The following ZNF573 variants were observed in gnomAD, a reference collection of about 807,000 sequenced individuals.
ZNF573 encodes the protein zinc finger protein 573.
Under a neutral mutation model 57.4 loss-of-function variants are expected in ZNF573, and 41 were observed. The ratio of observed to expected loss-of-function variants is 0.71; its 90% confidence interval spans 0.56 to 0.93. ZNF573 has a LOEUF of 0.93. ZNF573 is among the 40% of genes least tolerant of loss of function. The probability of loss-of-function intolerance (pLI) is 0.00; values close to 1 mark genes in which losing one functional copy is unlikely to be tolerated. For missense variants in ZNF573, 730 were observed against 794.8 expected, an observed-to-expected ratio of 0.92 and a Z score of 0.98; for synonymous variants, 249 against 261.0, an observed-to-expected ratio of 0.95 and a Z score of 0.44.
chr19:37,748,906 G>A (rs1039229217), intron 4 of ZNF573, among the ~76,000 whole-genome samples: 8 of 124,878 alleles, frequency 6.4e-5, no homozygotes, highest in South Asian at 5.2e-4. Context: ...CAGCCTGGGC[G>A]ACAGAGCAAG....
At position 37,739,418 on chromosome 19, in the gene ZNF573, A is replaced by G. The variant is rs2045300503; in HGVS notation, c.1072T>C (p.Tyr358His). Reference protein sequence around the residue: ...HQRIHKGGKPYECKECKKTFT... With the variant: ...HQRIHKGGKPHECKECKKTFT... The stretch of plus-strand genomic sequence containing the variant: ...GTTTTCTTACACTCCTTACATTCAT[A>G]GGGTTTTCCACCTTTATGAATTCTC... The change falls in exon 5 of 5, where the codon TAT becomes CAT. Residue 358 changes from tyrosine to histidine, a missense_variant. Coordinates refer to ENST00000536220, the MANE Select transcript of ZNF573 (RefSeq NM_001172690.2). 49 of 1,614,026 alleles carry G rather than the reference A, an allele frequency of 3.0e-5. No homozygotes were observed. The highest frequency in any genetic ancestry group is 4.2e-5 in the Non-Finnish European group (49 of 1,180,032).
chr19:37,757,895 A>G (rs916906869), intron 4 of ZNF573, among the ~76,000 whole-genome samples: 1 of 151,962 alleles, frequency 6.6e-6, no homozygotes, highest in African/African-American at 2.4e-5. Context: ...CGTTGTAGGG[A>G]CATGGATGAA....
intron 4 of ZNF573, among the ~76,000 whole-genome samples, chr19:37,741,517 TG>T (rs1195715005): frequency 2.0e-5 from 3 of 152,074 alleles, no homozygotes; most frequent in African/African-American, 7.2e-5. Flanking sequence ...GATGCAAGGC[TG>T]GTTCAACATA....
chr19:37,739,301 T>C lies in ZNF573; in HGVS notation c.1189A>G (p.Thr397Ala). 1 of 1,613,964 alleles carries C rather than the reference T, an allele frequency of 6.2e-7. No homozygotes were observed. Among genetic ancestry groups the C allele is most frequent in the East Asian group, 2.2e-5 (1 of 44,866 alleles). ...ECKQCGKTYT[T>A]GSKLFQHQKT... Reference sequence around the variant, plus strand: ...TGATGTTGAAAGAGTTTTGAACCAGTAGTATAGGTCTTCCCACATTGCTTG... The same window carrying C: ...TGATGTTGAAAGAGTTTTGAACCAGCAGTATAGGTCTTCCCACATTGCTTG... The change falls in exon 5 of 5, where the codon ACT (threonine) becomes GCT (alanine). Residue 397 changes from threonine to alanine, a missense_variant. Coordinates refer to ENST00000536220, the MANE Select transcript of ZNF573 (RefSeq NM_001172690.2).
intron 4 of ZNF573, among the ~76,000 whole-genome samples, chr19:37,766,283 A>G (rs1427096616): frequency 6.6e-6 from 1 of 152,164 alleles, no homozygotes; most frequent in Non-Finnish European, 1.5e-5. Context: ...TTATGCTGAG[A>G]ACCTAAACCA....
At chr19:37,768,222 T>C (rs1340266854) in intron 4 of ZNF573, among the ~76,000 whole-genome samples, 1 of 152,240 alleles carries the variant, frequency 6.6e-6, no homozygotes, top group Non-Finnish European at 1.5e-5. Flanking sequence ...TTTTTAAAAA[T>C]GCCTTGAAAA....
intron 4 of ZNF573, among the ~76,000 whole-genome samples, chr19:37,746,324 T>C (rs2045381994): frequency 6.6e-6 from 1 of 152,158 alleles, no homozygotes; most frequent in Non-Finnish European, 1.5e-5. Flanking sequence ...CTCAGAAATG[T>C]GTTACACATA....
chr19:37,759,657 G>A lies in ZNF573; in HGVS notation c.295+10348C>T, dbSNP rs574950610. Reference sequence around the variant, plus strand: ...GCAGGAAAATGGCGTGAACCCGGGAGGCGGAGCTTGCAGTGAGCCAAGATC... The same window carrying A: ...GCAGGAAAATGGCGTGAACCCGGGAAGCGGAGCTTGCAGTGAGCCAAGATC... On this transcript the variant is annotated intron_variant, in intron 4 of 4. Transcript: ENST00000536220. Among the ~76,000 whole-genome samples, 21 of 152,238 alleles carry A rather than the reference G, an allele frequency of 1.4e-4. No individual in the cohort carries two copies. In the South Asian group the frequency reaches 4.4e-3, roughly 32 times the overall value.
intron 4 of ZNF573, among the ~76,000 whole-genome samples, chr19:37,758,272 C>T (rs1358731892): frequency 2.2e-5 from 2 of 92,526 alleles, no homozygotes; most frequent in African/African-American, 8.1e-5. Flanking sequence ...TATAAAATTA[C>T]CCAGTTGCTA....
At chr19:37,762,111 C>T (rs1420999228) in intron 4 of ZNF573, among the ~76,000 whole-genome samples, 1 of 152,192 alleles carries the variant, frequency 6.6e-6, no homozygotes. Flanking sequence ...AATAGAACAT[C>T]ACCTGGGGGC....
intron 4 of ZNF573, among the ~76,000 whole-genome samples, chr19:37,768,463 C>T (rs1269271701): frequency 6.6e-6 from 1 of 152,074 alleles, no homozygotes; most frequent in Non-Finnish European, 1.5e-5. Context: ...CCTTAGCCTT[C>T]TAAGCTCTTT....
intron 3 of ZNF573, among the ~76,000 whole-genome samples, chr19:37,770,833 TA>T (rs1293166551): frequency 3.8e-3 from 16 of 4,266 alleles, no homozygotes; most frequent in South Asian, 0.02. Flanking sequence ...TAAGTTATTT[TA>T]TATATATATA....
chr19:37,763,224 C>A (rs1238817416), intron 4 of ZNF573, among the ~76,000 whole-genome samples: 1 of 149,824 alleles, frequency 6.7e-6, no homozygotes, highest in African/African-American at 2.4e-5. Flanking sequence ...GGGTGCTGAG[C>A]ACCAAATACC....
intron 3 of ZNF573, chr19:37,770,447 T>C (rs1027258565): frequency 5.2e-6 from 1 of 192,332 alleles, no homozygotes; most frequent in Non-Finnish European, 1.1e-5. Flanking sequence ...ATTATTCCAA[T>C]TTGGCAAATA....
At chr19:37,773,175 C>T (rs554029107) in intron 2 of ZNF573, among the ~76,000 whole-genome samples, 1 of 152,260 alleles carries the variant, frequency 6.6e-6, no homozygotes, top group East Asian at 1.9e-4. Flanking sequence ...TTGACAAGAT[C>T]CATGGTATAT....
rs112287643 is a variant in ZNF573 at position 37,746,008 on chromosome 19, G to C, written c.296-5814C>G. Among the ~76,000 whole-genome samples, 380 of 152,194 alleles carry C rather than the reference G, an allele frequency of 2.5e-3. 2 individuals carry two copies. Among genetic ancestry groups the C allele is most frequent in the African/African-American group, 8.9e-3 (369 of 41,534 alleles). The stretch of plus-strand genomic sequence containing the variant: ...TTCCTAAAAACTGACCATATACTGG[G>C]CTATAAAGCAAGTTTCATGTATTTC... On this transcript the variant is annotated intron_variant, in intron 4 of 4. Coordinates refer to ENST00000536220, the MANE Select transcript of ZNF573 (RefSeq NM_001172690.2).
At chr19:37,744,692 G>A (rs1568416230) in intron 4 of ZNF573, among the ~76,000 whole-genome samples, 2 of 138,192 alleles carry the variant, frequency 1.4e-5, no homozygotes, top group Non-Finnish European at 3.0e-5. Flanking sequence ...AGTGAGCTGT[G>A]TTCACGCCAC....
At chr19:37,745,585 AG>A (rs1568416555) in intron 4 of ZNF573, among the ~76,000 whole-genome samples, 1 of 151,914 alleles carries the variant, frequency 6.6e-6, no homozygotes, top group African/African-American at 2.4e-5. Flanking sequence ...TAGTAGAGAC[AG>A]GGTTTCACCA....
At chr19:37,764,345 G>A (rs867424646) in intron 4 of ZNF573, among the ~76,000 whole-genome samples, 30 of 145,178 alleles carry the variant, frequency 2.1e-4, no homozygotes, top group African/African-American at 6.7e-4. Context: ...TTCTTAAGAC[G>A]GAGTGTCGCT....
Sources: gnomAD v4.1 joint callset for allele counts (sites outside exome capture counted in the v4.1 genomes callset) on GRCh38, gnomAD v4.1.1 for gene constraint, MANE v1.5 for transcripts, NCBI Gene and HGNC (gene_info 2026-07-23, HGNC 2026-07-21) for gene names.